TGIF1: variants seen among roughly 807,000 people sequenced by gnomAD.
The protein encoded by TGIF1 is TGFB induced factor homeobox 1.
Under a neutral mutation model 19.3 loss-of-function variants are expected in TGIF1, and 4 were observed. The ratio of observed to expected loss-of-function variants is 0.21; its 90% CI spans 0.10 to 0.47. The LOEUF (loss-of-function observed/expected upper bound fraction) is 0.47. TGIF1 is among the 20% of genes least tolerant of loss of function. The pLI is 0.98. For missense variants in TGIF1, 275 were observed against 341.4 expected (o/e 0.81, Z 1.53); for synonymous variants, 122 against 129.3 (o/e 0.94, Z 0.38).
At chr18:3,415,374 G>A in intron 1 of TGIF1, 1 of 450,170 alleles carries the variant, frequency 2.2e-6, no homozygotes, top group South Asian at 1.6e-5. Context: ...ATGGTCAGAG[G>A]CAGAGTGAGA....
intron 2 of TGIF1, among the ~76,000 whole-genome samples, chr18:3,423,928 G>A (rs1427689556): frequency 6.6e-6 from 1 of 152,094 alleles, no homozygotes; most frequent in East Asian, 1.9e-4. Flanking sequence ...AATGTTGAGA[G>A]GTAGAGAGAA....
chr18:3,450,261 GGCCGGCTGC>G lies in TGIF1; in HGVS notation c.-228_-220del, dbSNP rs751693050. 14 of 1,431,254 alleles carry G rather than the reference GGCCGGCTGC, an allele frequency of 9.8e-6. No homozygotes were observed. The highest frequency in any genetic ancestry group is 1.3e-5 in the Non-Finnish European group (14 of 1,096,530). 88.7% of individuals were successfully genotyped at this position (1,431,254 alleles called of 1,614,324 possible). A position where few individuals can be genotyped will look rare whatever the true frequency, so the allele number is the denominator to read the frequency against. ...GAGAGTTGGGCGAGGGAGAGCCCCC[GGCCGGCTGC>G]CAGAAGATCCCGGCGGGAGGAAGCC... is the stretch of plus-strand genomic sequence containing the variant. On this transcript the variant is annotated 5_prime_UTR_variant, in exon 1 of 3. Transcript: ENST00000343820.
chr18:3,430,009 A>T (rs2082526280), intron 2 of TGIF1, among the ~76,000 whole-genome samples: 2 of 152,322 alleles, frequency 1.3e-5, no homozygotes, highest in South Asian at 2.1e-4. Context: ...ACAAAAAATT[A>T]GCCAGGCGTG....
Position 3,458,017 on chromosome 18 carries a change from A to G in TGIF1, c.*77A>G. ...GGCAAGAGATGAATTGCATTATTTTATATATTTTTTATTAATATTTGCACA... is the reference window on the plus strand; with the variant it reads ...GGCAAGAGATGAATTGCATTATTTTGTATATTTTTTATTAATATTTGCACA... On this transcript the variant is annotated 3_prime_UTR_variant, in exon 3 of 3. Transcript: ENST00000343820. The G allele has an allele frequency of 7.5e-7, 1 of 1,326,592 alleles. No individual in the cohort carries two copies. Among genetic ancestry groups the G allele is most frequent in the South Asian group, 1.3e-5 (1 of 78,606 alleles). The allele number at this position is 1,326,592 out of a possible 1,614,324, so 82.2% of individuals were successfully genotyped here.
intron 1 of TGIF1, among the ~76,000 whole-genome samples, chr18:3,454,663 C>T (rs76076944): frequency 6.6e-6 from 1 of 152,134 alleles, no homozygotes; most frequent in African/African-American, 2.4e-5. Flanking sequence ...TAAATGGGCA[C>T]TTTTAAAAAC....
chr18:3,419,576 G>A (rs368632165), intron 2 of TGIF1, among the ~76,000 whole-genome samples: 2 of 152,166 alleles, frequency 1.3e-5, no homozygotes, highest in East Asian at 3.9e-4. Flanking sequence ...TCTTCTTTTT[G>A]TTGATCTTCT....
At chr18:3,415,008 A>G (rs2082312770) in intron 1 of TGIF1, 1 of 152,658 alleles carries the variant, frequency 6.6e-6, no homozygotes, top group Non-Finnish European at 1.5e-5. Context: ...ATGCATGTAA[A>G]AAATTTTGCA....
chr18:3,443,184 G>A (rs779798545), intron 2 of TGIF1, among the ~76,000 whole-genome samples: 3 of 152,080 alleles, frequency 2.0e-5, no homozygotes, highest in East Asian at 1.9e-4. Flanking sequence ...GCTGATGCGC[G>A]TATTCTATCA....
intron 2 of TGIF1, among the ~76,000 whole-genome samples, chr18:3,437,526 G>A (rs946284484): frequency 2.6e-5 from 4 of 152,158 alleles, no homozygotes; most frequent in Non-Finnish European, 4.4e-5. Flanking sequence ...TTGGGAGTGG[G>A]TGAGGGAGAA....
At chr18:3,425,879 A>G (rs1318405325) in intron 2 of TGIF1, among the ~76,000 whole-genome samples, 1 of 152,088 alleles carries the variant, frequency 6.6e-6, no homozygotes, top group African/African-American at 2.4e-5. Context: ...AGTTACGAGG[A>G]CATCCAACTG....
chr18:3,425,160 A>G (rs1449990810), intron 2 of TGIF1, among the ~76,000 whole-genome samples: 1 of 152,224 alleles, frequency 6.6e-6, no homozygotes, highest in East Asian at 1.9e-4. Flanking sequence ...TCAGAATTGA[A>G]CTGAATTCTA....
At chr18:3,424,315 A>G (rs2082442344) in intron 2 of TGIF1, among the ~76,000 whole-genome samples, 1 of 152,184 alleles carries the variant, frequency 6.6e-6, no homozygotes. Context: ...CGAGAGTGTG[A>G]AAACACAATC....
chr18:3,432,909 G>A (rs536767166), intron 2 of TGIF1, among the ~76,000 whole-genome samples: 16 of 151,992 alleles, frequency 1.1e-4, no homozygotes, highest in South Asian at 1.0e-3. Flanking sequence ...ACAGGCATGC[G>A]CCACCAAGCC....
rs553773955 is a variant in TGIF1 at position 3,456,044 on chromosome 18, A to G, written c.17-310A>G. On this transcript the variant is annotated intron_variant, in intron 1 of 2. Coordinates refer to ENST00000343820, the MANE Select transcript of TGIF1 (RefSeq NM_003244.4). This position sits in a 1 kb window ranked among gnomAD's most constrained non-coding sequence, Gnocchi z 4.2. ...GTGGCAGGTTATTCATTTTGGGTGCAGTTTGTCTCCTCCAATGATTAGACG... is the reference window on the plus strand; with the variant it reads ...GTGGCAGGTTATTCATTTTGGGTGCGGTTTGTCTCCTCCAATGATTAGACG... 1.7e-5 allele frequency: 7 copies of G among 416,610 alleles called. No homozygotes were observed. The highest frequency in any genetic ancestry group is 4.0e-5 in the African/African-American group (2 of 49,494). 25.8% of individuals were successfully genotyped at this position (416,610 alleles called of 1,614,324 possible).
At chr18:3,452,513 G>C in intron 1 of TGIF1, 1 of 1,356,220 alleles carries the variant, frequency 7.4e-7, no homozygotes, top group South Asian at 1.3e-5. Flanking sequence ...GCAGGCCTCT[G>C]AGAAGGTGGG....
rs532397488 is a variant in TGIF1 at position 3,424,092 on chromosome 18, TG to T, written c.-45+5880del. Reference sequence around the variant, plus strand: ...CAAGTCAAATTCTTTCATGTTTATTTGGGTCTATGTGAGAGCAACTCAAGCT... The same window carrying T: ...CAAGTCAAATTCTTTCATGTTTATTTGGTCTATGTGAGAGCAACTCAAGCT... On this transcript the variant is annotated intron_variant, in intron 2 of 3. Coordinates refer to the TGIF1 transcript ENST00000401449. Among the ~76,000 whole-genome samples the T allele has an allele frequency of 4.4e-3, 663 of 152,350 alleles. 5 individuals carry two copies. The highest frequency in any genetic ancestry group is 0.015 in the African/African-American group (636 of 41,576).
At chr18:3,419,733 C>T (rs987092210) in intron 2 of TGIF1, among the ~76,000 whole-genome samples, 3 of 152,156 alleles carry the variant, frequency 2.0e-5, no homozygotes, top group Non-Finnish European at 2.9e-5. Flanking sequence ...AGGCTGGGCA[C>T]GGTGGCTCAC....
rs533026179 is a variant in TGIF1, at chr18:3,458,675, C to A, written c.*735C>A. ...TGAATCATTTTAGTGTTTAGCTAGC[C>A]ACTAAATCCCTTGCTGATCTGTCCT... On this transcript the variant is annotated 3_prime_UTR_variant, in exon 3 of 3. Coordinates refer to ENST00000343820, the MANE Select transcript of TGIF1 (RefSeq NM_003244.4). 2 of 152,924 alleles carry A rather than the reference C, an allele frequency of 1.3e-5. No individual in the cohort carries two copies. Among genetic ancestry groups the A allele is most frequent in the East Asian group, 3.8e-4 (2 of 5,196 alleles). The allele number at this position is 152,924 out of a possible 1,614,324, so 9.5% of individuals were successfully genotyped here.
chr18:3,415,265 C>T (rs1286036307), intron 1 of TGIF1: 2 of 274,416 alleles, frequency 7.3e-6, no homozygotes, highest in Non-Finnish European at 1.5e-5. Flanking sequence ...GACACCAAGC[C>T]AGCTTACCAA....
Sources: gnomAD v4.1 joint callset for allele counts (sites outside exome capture counted in the v4.1 genomes callset) on GRCh38, gnomAD v4.1.1 for gene constraint, Gnocchi (gnomAD v3.1) non-coding constraint, MANE v1.5 for transcripts, NCBI Gene and HGNC (gene_info 2026-07-23, HGNC 2026-07-21) for gene names.